FRMD1: variants seen among roughly 807,000 people sequenced by gnomAD.
FRMD1 encodes the protein FERM domain containing 1.
Under a neutral mutation model 54.9 loss-of-function variants are expected in FRMD1, and 51 were observed. That is an observed-to-expected ratio of 0.93 (90% CI 0.74 to 1.17). The LOEUF is 1.17. FRMD1 is among the 50% of genes most tolerant of loss of function. FRMD1 has a pLI of 0.00. For synonymous variants in FRMD1, 324 were observed against 306.4 expected (o/e 1.06, Z -0.60); for missense variants, 729 against 743.0 (o/e 0.98, Z 0.22).
chr6:168,079,334 G>A (rs925540410), upstream of FRMD1, among the ~76,000 whole-genome samples: 13 of 152,334 alleles, frequency 8.5e-5, no homozygotes, highest in East Asian at 2.1e-3. Context: ...CTGGGCACCC[G>A]CCATGCAGCA....
chr6:168,060,845 C>T lies in FRMD1; in HGVS notation c.1258G>A (p.Glu420Lys). 1 of 1,613,696 alleles carries T rather than the reference C, an allele frequency of 6.2e-7. No individual in the cohort carries two copies. Among genetic ancestry groups the T allele is most frequent in the Non-Finnish European group, 8.5e-7 (1 of 1,180,026 alleles). The change falls in exon 9 of 11, where the codon GAG becomes AAG. Residue 420 changes from glutamate to lysine, a missense_variant. Physicochemically the swap from Glu to Lys is moderately conservative, Grantham distance 56. Transcript: ENST00000283309. Reference protein sequence around the residue: ...SREMSVDVPLEVHGLHEKEPS... With the variant: ...SREMSVDVPLKVHGLHEKEPS... ...TCCTTCTCATGGAGCCCGTGGACCT[C>T]CAAGGGCACGTCCACAGACATCTCT... is the stretch of plus-strand genomic sequence containing the variant.
At chr6:168,082,703 C>G (rs1294658627), upstream of FRMD1, among the ~76,000 whole-genome samples, 2 of 152,218 alleles carry the variant, frequency 1.3e-5, no homozygotes, top group African/African-American at 4.8e-5. Context: ...TACTGACCCC[C>G]TCTTCAGAAA....
chr6:168,065,326 G>A (rs1381327054), intron 4 of FRMD1: 1 of 1,252,650 alleles, frequency 8.0e-7, no homozygotes, highest in African/African-American at 1.5e-5. Context: ...TCCTTCCCCA[G>A]TGAGCTTGGC....
At chr6:168,088,354 A>G (rs73030358) in intron 1 of FRMD1, among the ~76,000 whole-genome samples, 27,255 of 152,006 alleles carry the variant, frequency 0.18, 2,606 homozygotes, top group African/African-American at 0.23. Flanking sequence ...TTGGAAAGAA[A>G]CTGCGGGCGG....
rs35416826 is a variant in FRMD1, at chr6:168,058,220, TTC to T, written c.1408-883_1408-882del. On this transcript the variant is annotated intron_variant, in intron 10 of 10. Coordinates refer to ENST00000283309, the MANE Select transcript of FRMD1 (RefSeq NM_024919.6). ...ATCCAGCCTCCCGTGCCCAGCCCTGTTCTCTCTCTCCATCCGCCTCCCGTGCC... is the reference window on the plus strand; with the variant it reads ...ATCCAGCCTCCCGTGCCCAGCCCTGTTCTCTCTCCATCCGCCTCCCGTGCC... Among the ~76,000 whole-genome samples the T allele has an allele frequency of 3.3e-4, 46 of 139,514 alleles. 9 individuals are homozygous for T. Among genetic ancestry groups the T allele is most frequent in the Non-Finnish European group, 5.5e-4 (36 of 64,966 alleles). The allele number at this position is 139,514 out of a possible 152,430, so 91.5% of individuals were successfully genotyped here.
upstream of FRMD1, among the ~76,000 whole-genome samples, chr6:168,079,718 T>TCCTTC (rs1800773290): frequency 1.3e-5 from 2 of 152,230 alleles, no homozygotes; most frequent in South Asian, 4.1e-4. Flanking sequence ...TGAGGACACT[T>TCCTTC]CCTTCCTTGT....
chr6:168,077,130 GCA>G, intron 1 of FRMD1, among the ~76,000 whole-genome samples: 1 of 152,128 alleles, frequency 6.6e-6, no homozygotes, highest in East Asian at 1.9e-4. Context: ...AGAGATGTGT[GCA>G]CACACCAACA....
At chr6:168,075,853 G>A in intron 1 of FRMD1, 1 of 1,450,882 alleles carries the variant, frequency 6.9e-7, no homozygotes, top group Admixed American at 2.0e-5. Context: ...CCGGCGTCCC[G>A]TGTCCACATT....
At chr6:168,074,363 G>A (rs1800455666) in intron 2 of FRMD1, among the ~76,000 whole-genome samples, 1 of 152,240 alleles carries the variant, frequency 6.6e-6, no homozygotes, top group Non-Finnish European at 1.5e-5. Context: ...TCGGCATTGT[G>A]CAGGTGTGGT....
At position 168,060,792 on chromosome 6, in the gene FRMD1, G is replaced by A. The variant is rs1799681053; in HGVS notation, c.1311C>T (p.Arg437=). 1 of 1,611,908 alleles carries A rather than the reference G, an allele frequency of 6.2e-7. No individual in the cohort carries two copies. The highest frequency in any genetic ancestry group is 1.7e-5 in the Admixed American group (1 of 59,984). Residue 437 remains arginine (R), a synonymous_variant, in exon 9 of 11, where the codon CGC becomes CGT. Transcript: ENST00000283309. ...KEPSSSPRTS[R]SHPSTRGDSQ... ...TGTCACCACGTGTGCTGGGGTGGCT[G>A]CGGCTGGTCCTGGGGCTGGAGGACG...
Position 168,062,895 on chromosome 6 carries a change from T to C in FRMD1, c.869A>G (p.Gln290Arg). The change falls in exon 7 of 11, where the codon CAG (glutamine) becomes CGG (arginine). Residue 290 changes from glutamine (Q) to arginine (R), a missense_variant and splice_region_variant. Gln to Arg is a conservative substitution (Grantham distance 43). Transcript: ENST00000283309. ...GLALRGVHIY[Q>R]GKKLEIQLDG... The stretch of plus-strand genomic sequence containing the variant: ...TGAGGCTGGAGCCCCTTCGGTCACC[T>C]GGTAGATGTGCACTCCCCTGAGGGC... 1 of 1,613,582 alleles carries C rather than the reference T, an allele frequency of 6.2e-7. No individual in the cohort carries two copies. The highest frequency in any genetic ancestry group is 1.1e-5 in the South Asian group (1 of 91,044).
chr6:168,075,944 T>A, intron 1 of FRMD1: 1 of 748,400 alleles, frequency 1.3e-6, no homozygotes, highest in Non-Finnish European at 2.1e-6. Context: ...GTGCCCGGTG[T>A]CCACATTTCC....
intron 1 of FRMD1, among the ~76,000 whole-genome samples, chr6:168,092,476 G>T (rs115613476): frequency 0.019 from 2,838 of 151,640 alleles, 90 homozygotes; most frequent in African/African-American, 0.065. Context: ...GTATAAGAGA[G>T]ACCCTCCGCC....
chr6:168,079,377 G>A (rs770494216), upstream of FRMD1, among the ~76,000 whole-genome samples: 83 of 152,308 alleles, frequency 5.4e-4, no homozygotes, highest in Non-Finnish European at 9.4e-4. Context: ...AGCCAGCCTC[G>A]GTGTGGGCCC....
rs1800722931 is a variant in FRMD1 at position 168,078,784 on chromosome 6, A to ATGG, written c.213+97_213+98insCCA. The ATGG allele has an allele frequency of 5.6e-4, 37 of 66,104 alleles. 1 individual carries two copies. In the East Asian group the frequency reaches 9.1e-3, roughly 16 times the overall value. 4.1% of individuals were successfully genotyped at this position (66,104 alleles called of 1,614,324 possible). A position where few individuals can be genotyped will look rare whatever the true frequency, so the allele number is the denominator to read the frequency against. On this transcript the variant is annotated intron_variant, in intron 1 of 10. Coordinates refer to ENST00000283309, the MANE Select transcript of FRMD1 (RefSeq NM_024919.6). ...GCCATCCAGGGCCCTGCTCACCCCC[A>ATGG]CGGCCACCCAGGGCCCTGCTCACCC...
At position 168,059,248 on chromosome 6, in the gene FRMD1, C is replaced by G; in HGVS notation, c.1343-60G>C. 2.1e-6 allele frequency: 3 copies of G among 1,437,394 alleles called. No individual in the cohort carries two copies. Among genetic ancestry groups the G allele is most frequent in the East Asian group, 4.9e-5 (2 of 40,542 alleles). The allele number at this position is 1,437,394 out of a possible 1,614,324, so 89.0% of individuals were successfully genotyped here. ...GGGTTCTGCCCGACATGGCTCCTCCCCAGGGCAGTTCCCTGCACTTCTGGG... is the reference window on the plus strand; with the variant it reads ...GGGTTCTGCCCGACATGGCTCCTCCGCAGGGCAGTTCCCTGCACTTCTGGG... On this transcript the variant is annotated intron_variant, in intron 9 of 10. Coordinates refer to ENST00000283309, the MANE Select transcript of FRMD1 (RefSeq NM_024919.6). This position sits in a 1 kb window ranked among gnomAD's most constrained non-coding sequence, Gnocchi z 4.4.
chr6:168,063,853 G>A, intron 5 of FRMD1, 97 bp from the exon 6 acceptor site: 1 of 1,396,744 alleles, frequency 7.2e-7, no homozygotes, highest in East Asian at 2.7e-5. Context: ...GACTCCCACA[G>A]CTGGTGCCAA....
chr6:168,067,318 A>G (rs1444254740), intron 3 of FRMD1, 49 bp downstream of exon 3: 5 of 1,264,518 alleles, frequency 4.0e-6, no homozygotes, highest in Non-Finnish European at 5.7e-6. Context: ...GTGGCCCAGC[A>G]CAGCCCACCG....
intron 1 of FRMD1, among the ~76,000 whole-genome samples, chr6:168,077,281 T>G (rs1583204562): frequency 2.0e-5 from 3 of 146,954 alleles, no homozygotes; most frequent in Non-Finnish European, 1.5e-5. Flanking sequence ...CACACTCCGA[T>G]GGGGGGGGGT....
Sources: allele counts gnomAD v4.1 joint callset (sites outside exome capture counted in the v4.1 genomes callset), GRCh38; gene constraint gnomAD v4.1.1; non-coding constraint Gnocchi (gnomAD v3.1); transcripts MANE v1.5; gene names NCBI Gene and HGNC (gene_info 2026-07-23, HGNC 2026-07-21).